OC90: variants seen among roughly 807,000 people sequenced by gnomAD.
The protein encoded by OC90 is otoconin 90.
In OC90, 46 loss-of-function variants were observed where a neutral mutation model predicts 47.3. That is an observed-to-expected ratio of 0.97 (90% CI 0.77 to 1.24). The LOEUF is 1.24. Among genes scored for constraint, OC90 ranks in the 50% most tolerant of loss-of-function variants. OC90 has a pLI of 0.00. For synonymous variants in OC90, 271 were observed against 219.5 expected, an observed-to-expected ratio of 1.23 and a Z score of -2.07; for missense variants, 688 against 583.9, an observed-to-expected ratio of 1.18 and a Z score of -1.84.
At chr8:132,042,830 G>A (rs1823074256) in intron 4 of OC90, among the ~76,000 whole-genome samples, 1 of 152,162 alleles carries the variant, frequency 6.6e-6, no homozygotes. Flanking sequence ...ATGCAAACTA[G>A]TTCAGCTACT....
In OC90 at chr8:132,041,544, GCAAC is replaced by G. The variant is rs751997212; in HGVS notation, c.321_324del (p.Pro109TrpfsTer61). The stretch of plus-strand genomic sequence containing the variant: ...ACTTACCTGTCAGATTCATCCACAG[GCAAC>G]CCTTCCATCTCAAACCTGCAGGTGC... On this transcript the variant is annotated frameshift_variant, in exon 5 of 14. Coordinates refer to ENST00000254627, the MANE Select transcript of OC90 (RefSeq NM_001080399.3). LOFTEE classifies it high-confidence loss of function. 215 of 1,611,472 alleles carry G rather than the reference GCAAC, an allele frequency of 1.3e-4. 1 individual carries two copies. The highest frequency in any genetic ancestry group is 1.3e-4 in the Non-Finnish European group (159 of 1,178,874).
chr8:132,029,880 C>A (rs964351722), intron 12 of OC90, among the ~76,000 whole-genome samples: 23 of 152,274 alleles, frequency 1.5e-4, no homozygotes, highest in African/African-American at 4.8e-4. Flanking sequence ...CAGTTGCTAC[C>A]CAAATACTCC....
chr8:132,039,232 CCCCT>C, intron 6 of OC90, 109 bp from the exon 7 acceptor site: 1 of 1,186,742 alleles, frequency 8.4e-7, no homozygotes, highest in Admixed American at 2.0e-5. Flanking sequence ...AAATCCCACT[CCCCT>C]TGCAATCTCC....
At chr8:132,026,117 G>A (rs1822753983) in intron 13 of OC90, among the ~76,000 whole-genome samples, 1 of 152,110 alleles carries the variant, frequency 6.6e-6, no homozygotes. Context: ...ATTTAACTGG[G>A]CATCATGTAT....
At chr8:132,046,900 C>T (rs1422673448) in intron 2 of OC90, among the ~76,000 whole-genome samples, 1 of 152,146 alleles carries the variant, frequency 6.6e-6, no homozygotes, top group Admixed American at 6.5e-5. Context: ...GTTGGCCTTG[C>T]TTGGCTTAGA....
chr8:132,027,743 C>G (rs1501057), intron 13 of OC90, among the ~76,000 whole-genome samples: 33,493 of 152,138 alleles, frequency 0.22, 4,070 homozygotes, highest in South Asian at 0.3. Context: ...CCTCTGGTTT[C>G]TACCATAGAG....
chr8:132,035,932 C>G (rs1015009782), intron 9 of OC90, among the ~76,000 whole-genome samples: 1 of 152,172 alleles, frequency 6.6e-6, no homozygotes, highest in Non-Finnish European at 1.5e-5. Context: ...TGCTCGTTAA[C>G]CAAAGAACCC....
chr8:132,036,162 G>T (rs2130855357), intron 9 of OC90, among the ~76,000 whole-genome samples: 1 of 152,302 alleles, frequency 6.6e-6, no homozygotes, highest in East Asian at 1.9e-4. Flanking sequence ...TCTGGGCTTG[G>T]AGAACAGCCC....
At chr8:132,042,456 G>T (rs919982026) in intron 4 of OC90, among the ~76,000 whole-genome samples, 1 of 152,144 alleles carries the variant, frequency 6.6e-6, no homozygotes, top group East Asian at 1.9e-4. Context: ...ACTGAGGCTC[G>T]GGGTCCCAAC....
intron 13 of OC90, among the ~76,000 whole-genome samples, chr8:132,026,100 A>G (rs1008025480): frequency 2.6e-5 from 4 of 152,226 alleles, no homozygotes; most frequent in African/African-American, 9.6e-5. Flanking sequence ...GATTATCTGA[A>G]ATTCAAATTT....
At chr8:132,025,018 C>T (rs1286922678) in intron 13 of OC90, among the ~76,000 whole-genome samples, 1 of 152,258 alleles carries the variant, frequency 6.6e-6, no homozygotes, top group Non-Finnish European at 1.5e-5. Context: ...GGCTTCCCCT[C>T]CTCCAGAAAG....
chr8:132,029,346 T>C (rs1822838630), intron 12 of OC90, among the ~76,000 whole-genome samples, 167 bp from the exon 13 acceptor site: 1 of 152,164 alleles, frequency 6.6e-6, no homozygotes, highest in Non-Finnish European at 1.5e-5. Context: ...CCGTCGTGTA[T>C]GGTTATTCGG....
In OC90 at chr8:132,024,669, G is replaced by A; in HGVS notation, c.1246C>T (p.Leu416Phe). The change falls in exon 14 of 14, where the codon CTC becomes TTC. Residue 416 changes from leucine to phenylalanine, a missense_variant. Physicochemically the swap from Leu to Phe is conservative, Grantham distance 22 (BLOSUM62 0). Transcript: ENST00000254627. ...FNQSLKSPSR[L>F]GCPGQPAACE... ...GCTGCTGGCTGCCCAGGGCACCCGAGTCTGCTTGGGGACTTGAGGCTTTGG... is the reference window on the plus strand; with the variant it reads ...GCTGCTGGCTGCCCAGGGCACCCGAATCTGCTTGGGGACTTGAGGCTTTGG... 3.1e-6 allele frequency: 5 copies of A among 1,613,492 alleles called. No individual in the cohort carries two copies. Among genetic ancestry groups the A allele is most frequent in the Non-Finnish European group, 4.2e-6 (5 of 1,179,732 alleles).
In OC90 at chr8:132,044,471, C is replaced by A; in HGVS notation, c.131G>T (p.Gly44Val). The A allele has an allele frequency of 6.4e-7, 1 of 1,557,746 alleles. No individual in the cohort carries two copies. The change falls in exon 4 of 14, where the codon GGG (glycine) becomes GTG (valine). Residue 44 changes from glycine to valine, a missense_variant. By Grantham distance (109) the Gly-to-Val change is moderately radical (BLOSUM62 -3). Transcript: ENST00000254627. ...CACACTTTCCACATTTTTAAACATC[C>A]CACTGAAGAAAGTGATATCTAAGTG... The part of the protein sequence containing the change: ...PNNINITFFS[G>V]MFKNVESVAE...
intron 13 of OC90, among the ~76,000 whole-genome samples, chr8:132,028,450 C>G (rs11777785): frequency 0.7 from 105,218 of 150,720 alleles, 37,093 homozygotes; most frequent in East Asian, 0.76. Context: ...TGCAGTGAGC[C>G]AAGATTGTAC....
Position 132,032,057 on chromosome 8 carries a change from A to G in OC90, c.860-5T>C, listed in dbSNP as rs1459221514. 6.2e-7 allele frequency: 1 copy of G among 1,613,080 alleles called. No homozygotes were observed. Among genetic ancestry groups the G allele is most frequent in the Non-Finnish European group, 8.5e-7 (1 of 1,179,410 alleles). On this transcript the variant is annotated splice_region_variant and splice_polypyrimidine_tract_variant and intron_variant, in intron 11 of 13. Transcript: ENST00000254627. ...GGAAGGTGAATCTGTCACAGGCTGA[A>G]AGGAACAGGAATTGTCAGGAGAGCA...
intron 2 of OC90, among the ~76,000 whole-genome samples, chr8:132,046,619 T>C (rs1001732719): frequency 2.0e-5 from 3 of 152,190 alleles, no homozygotes; most frequent in Non-Finnish European, 4.4e-5. Context: ...GAATCCCAGG[T>C]TCAACACAGA....
intron 2 of OC90, among the ~76,000 whole-genome samples, chr8:132,050,678 T>A (rs1015774561): frequency 1.3e-5 from 2 of 152,120 alleles, no homozygotes; most frequent in Non-Finnish European, 2.9e-5. Flanking sequence ...GCAAGATGCT[T>A]CCAAACACAA....
intron 8 of OC90, 106 bp from the exon 9 acceptor site, chr8:132,037,594 A>T: frequency 1.1e-6 from 1 of 948,324 alleles, no homozygotes; most frequent in Non-Finnish European, 1.7e-6. Context: ...AAGGGAGGAA[A>T]GGGGCTGAGA....
Sources: gnomAD v4.1 joint callset for allele counts (sites outside exome capture counted in the v4.1 genomes callset) on GRCh38, gnomAD v4.1.1 for gene constraint, MANE v1.5 for transcripts, NCBI Gene and HGNC (gene_info 2026-07-23, HGNC 2026-07-21) for gene names.